The following IQCB1 variants were observed in gnomAD, a reference collection of about 807,000 sequenced individuals.
IQCB1 encodes IQ motif containing B1.
In IQCB1, 56 loss-of-function variants were observed where a neutral mutation model predicts 84.4. The ratio of observed to expected loss-of-function variants is 0.66; its 90% confidence interval spans 0.54 to 0.83. The LOEUF (loss-of-function observed/expected upper bound fraction) is 0.83, where lower values mean the gene tolerates loss of function less well. Among genes scored for constraint, IQCB1 ranks in the 40% least tolerant of loss-of-function variants. The pLI is 0.00. For missense variants in IQCB1, 629 were observed against 682.1 expected, an observed-to-expected ratio of 0.92 and a Z score of 0.87; for synonymous variants, 210 against 234.8, an observed-to-expected ratio of 0.89 and a Z score of 0.96.
chr3:121,786,170 C>CGAAAAGAAAGA (rs1553710812), intron 12 of IQCB1, among the ~76,000 whole-genome samples: 10 of 72,846 alleles, frequency 1.4e-4, no homozygotes, highest in African/African-American at 6.5e-4. Context: ...GATTCTGTCT[C>CGAAAAGAAAGA]AAAAGAAAAG....
At chr3:121,781,924 GAACT>G (rs768911174) in intron 12 of IQCB1, 50 bp from the exon 13 acceptor site, 5 of 1,580,256 alleles carry the variant, frequency 3.2e-6, no homozygotes, top group African/African-American at 2.7e-5. Flanking sequence ...CTAACTAATA[GAACT>G]ATTTTCTCAC....
At chr3:121,808,567 T>G (rs1949697136) in intron 6 of IQCB1, among the ~76,000 whole-genome samples, 1 of 151,976 alleles carries the variant, frequency 6.6e-6, no homozygotes, top group Non-Finnish European at 1.5e-5. Context: ...CATAGGGATT[T>G]CTCTCATGAT....
intron 7 of IQCB1, among the ~76,000 whole-genome samples, chr3:121,803,030 T>G (rs1430371120): frequency 6.6e-6 from 1 of 152,140 alleles, no homozygotes; most frequent in Non-Finnish European, 1.5e-5. Flanking sequence ...AGAACATACT[T>G]TGTATAACTG....
chr3:121,782,052 C>A (rs1948518606), intron 12 of IQCB1, among the ~76,000 whole-genome samples, 178 bp from the exon 13 acceptor site: 1 of 152,050 alleles, frequency 6.6e-6, no homozygotes, highest in Non-Finnish European at 1.5e-5. Flanking sequence ...AATATACAGT[C>A]TTCTGTAGTG....
chr3:121,795,223 T>A (rs958510604), intron 10 of IQCB1, among the ~76,000 whole-genome samples: 1 of 152,084 alleles, frequency 6.6e-6, no homozygotes, highest in Non-Finnish European at 1.5e-5. Flanking sequence ...CCTCCCCAAA[T>A]ATCTTATTAA....
At chr3:121,801,367 T>C (rs973964082) in intron 7 of IQCB1, among the ~76,000 whole-genome samples, 33 of 152,044 alleles carry the variant, frequency 2.2e-4, no homozygotes, top group African/African-American at 7.7e-4. Flanking sequence ...ATACTTACTT[T>C]TACTGCATGT....
intron 5 of IQCB1, among the ~76,000 whole-genome samples, chr3:121,819,078 G>GT (rs1950178138): frequency 6.6e-6 from 1 of 152,166 alleles, no homozygotes; most frequent in Admixed American, 6.5e-5. Flanking sequence ...GGGGAAGGAT[G>GT]TTTTGGGGAT....
At chr3:121,811,424 A>G (rs907790212) in intron 5 of IQCB1, among the ~76,000 whole-genome samples, 3 of 151,898 alleles carry the variant, frequency 2.0e-5, no homozygotes, top group African/African-American at 7.3e-5. Context: ...CAGACTGTTC[A>G]CTCCCCTGGA....
chr3:121,822,435 A>G (rs1169051973), intron 5 of IQCB1, among the ~76,000 whole-genome samples: 1 of 152,218 alleles, frequency 6.6e-6, no homozygotes, highest in Non-Finnish European at 1.5e-5. Flanking sequence ...GGGCTGCCAG[A>G]ACAGTTAAAG....
intron 5 of IQCB1, among the ~76,000 whole-genome samples, chr3:121,821,740 A>G (rs1207687567): frequency 6.6e-6 from 1 of 152,200 alleles, no homozygotes; most frequent in Non-Finnish European, 1.5e-5. Flanking sequence ...AAAAAATATA[A>G]AAAGCAACTG....
intron 9 of IQCB1, 45 bp from the exon 10 acceptor site, chr3:121,795,611 T>TAAAAA: frequency 2.4e-6 from 2 of 819,122 alleles, no homozygotes; most frequent in Non-Finnish European, 4.0e-6. Context: ...GGAAGGTCTT[T>TAAAAA]AAAAAAAAAA....
chr3:121,770,511 G>C lies in IQCB1; in HGVS notation c.1631C>G (p.Pro544Arg). The C allele has an allele frequency of 6.2e-7, 1 of 1,614,182 alleles. No homozygotes were observed. The highest frequency in any genetic ancestry group is 8.5e-7 in the Non-Finnish European group (1 of 1,180,012). The change falls in exon 15 of 15, where the codon CCT (proline) becomes CGT (arginine). Residue 544 changes from proline to arginine, a missense_variant. Pro to Arg is a moderately radical substitution (Grantham distance 103, BLOSUM62 -2). Coordinates refer to ENST00000310864, the MANE Select transcript of IQCB1 (RefSeq NM_001023570.4). ...GGCCTGCTTGGCCTTGGCTGCCACAGGCCTGGATCTACTTAGGAAGAGCTC... is the reference window on the plus strand; with the variant it reads ...GGCCTGCTTGGCCTTGGCTGCCACACGCCTGGATCTACTTAGGAAGAGCTC... The part of the protein sequence containing the change: ...EPELFLSRSR[P>R]VAAKAKQAHL...
rs1251708579 is a variant in IQCB1 at position 121,832,910 on chromosome 3, CAG to C, written c.-13+1479_-13+1480del. ...GGTAACTAGTTATGAATAGACATAACAGAAACAATCTGAAACGTCACATTTTC... is the reference window on the plus strand; with the variant it reads ...GGTAACTAGTTATGAATAGACATAACAAACAATCTGAAACGTCACATTTTC... On this transcript the variant is annotated intron_variant, in intron 2 of 14. Transcript: ENST00000310864. 3.3e-5 allele frequency among the ~76,000 whole-genome samples: 5 copies of C among 152,226 alleles called. No individual in the cohort carries two copies. The East Asian group carries it at 9.6e-4, about 29-fold the overall frequency.
At chr3:121,799,444 T>A in intron 7 of IQCB1, 70 bp from the exon 8 acceptor site, 1 of 951,488 alleles carries the variant, frequency 1.1e-6, no homozygotes, top group Non-Finnish European at 1.6e-6. Flanking sequence ...AAATCTAAAA[T>A]ATAAGATTCA....
In IQCB1 at chr3:121,785,182, G is replaced by A. The variant is rs549124985; in HGVS notation, c.1278+3102C>T. 2.6e-5 allele frequency among the ~76,000 whole-genome samples: 4 copies of A among 152,068 alleles called. No homozygotes were observed. The South Asian group carries it at 8.3e-4, about 32-fold the overall frequency. ...TAACTGTTCTGGCCTTTCTTTTCCT[G>A]CCAAGGACACTAATAACCAGTTCTT... is the stretch of plus-strand genomic sequence containing the variant. On this transcript the variant is annotated intron_variant, in intron 12 of 14. Transcript: ENST00000310864.
At chr3:121,825,947 A>T in intron 5 of IQCB1, 104 bp downstream of exon 5, 1 of 1,076,532 alleles carries the variant, frequency 9.3e-7, no homozygotes, top group South Asian at 1.4e-5. Context: ...TAAATTCACT[A>T]CTTTAATTGT....
At chr3:121,826,244 AC>A in intron 4 of IQCB1, 64 bp from the exon 5 acceptor site, 6 of 1,516,170 alleles carry the variant, frequency 4.0e-6, no homozygotes, top group Non-Finnish European at 5.5e-6. Flanking sequence ...GCTTCTAGAG[AC>A]ACTGTGCCTT....
chr3:121,807,468 A>T, intron 6 of IQCB1, 25 bp from the exon 7 acceptor site: 1 of 1,125,440 alleles, frequency 8.9e-7, no homozygotes, highest in Non-Finnish European at 1.4e-6. Context: ...AAAAAAAGAA[A>T]GATTAAAGTA....
At chr3:121,774,716 T>C (rs1274768959) in intron 13 of IQCB1, among the ~76,000 whole-genome samples, 1 of 152,094 alleles carries the variant, frequency 6.6e-6, no homozygotes, top group East Asian at 1.9e-4. Context: ...GAAAGTAGAA[T>C]GGTGGTTGCC....
Sources: gnomAD v4.1 joint callset for allele counts (sites outside exome capture counted in the v4.1 genomes callset) on GRCh38, gnomAD v4.1.1 for gene constraint, MANE v1.5 for transcripts, NCBI Gene and HGNC (gene_info 2026-07-23, HGNC 2026-07-21) for gene names.